The following ADCY9 variants were observed in gnomAD, a reference collection of about 807,000 sequenced individuals.
ADCY9 encodes the protein adenylate cyclase type 9.
Under a neutral mutation model 101.5 loss-of-function variants are expected in ADCY9, and 50 were observed. The ratio of observed to expected loss-of-function variants is 0.49; its 90% confidence interval spans 0.39 to 0.62. ADCY9 has a LOEUF of 0.62. ADCY9 is among the 20% of genes least tolerant of loss of function. The pLI, the probability that ADCY9 is intolerant of heterozygous loss-of-function variation, is 0.00. For missense variants in ADCY9, 1,662 were observed against 1,800.4 expected (o/e 0.92, Z 1.39); for synonymous variants, 905 against 769.3 (o/e 1.18, Z -2.92).
At position 4,044,353 on chromosome 16, in the gene ADCY9, A is replaced by G. The variant is rs571913442; in HGVS notation, c.1694-36795T>C. Among the ~76,000 whole-genome samples, 32 of 150,992 alleles carry G rather than the reference A, an allele frequency of 2.1e-4. 2 individuals are homozygous for G. The South Asian group carries it at 6.7e-3, about 31-fold the overall frequency. On this transcript the variant is annotated intron_variant, in intron 2 of 10. Transcript: ENST00000294016. Reference sequence around the variant, plus strand: ...CAGAGTGAGACTCCATCTCAAAAAAAACAAAAAAACAAAAAAACAAAAAAA... The same window carrying G: ...CAGAGTGAGACTCCATCTCAAAAAAGACAAAAAAACAAAAAAACAAAAAAA...
At chr16:3,984,598 C>T (rs1017565237) in intron 6 of ADCY9, among the ~76,000 whole-genome samples, 1 of 152,170 alleles carries the variant, frequency 6.6e-6, no homozygotes, top group Non-Finnish European at 1.5e-5. Context: ...GAACAAGGAG[C>T]CAGGCCAGGA....
intron 2 of ADCY9, among the ~76,000 whole-genome samples, chr16:4,057,402 C>T (rs1162712963): frequency 6.6e-6 from 1 of 152,094 alleles, no homozygotes; most frequent in Admixed American, 6.5e-5. Context: ...CAACCATCAC[C>T]ACCATCAACC....
chr16:4,067,729 G>A (rs185674165), intron 2 of ADCY9, among the ~76,000 whole-genome samples: 211 of 152,238 alleles, frequency 1.4e-3, no homozygotes, highest in African/African-American at 4.9e-3. Context: ...GGCATTTGCT[G>A]ACCAAAAGGA....
At chr16:4,020,922 T>G (rs569853568) in intron 2 of ADCY9, among the ~76,000 whole-genome samples, 1 of 152,116 alleles carries the variant, frequency 6.6e-6, no homozygotes, top group African/African-American at 2.4e-5. Flanking sequence ...CTGGAAACAT[T>G]TGAACGTTTT....
At chr16:3,997,922 TG>T (rs2056300155) in intron 3 of ADCY9, among the ~76,000 whole-genome samples, 1 of 152,102 alleles carries the variant, frequency 6.6e-6, no homozygotes, top group African/African-American at 2.4e-5. Context: ...GGCAAAACCC[TG>T]TCTCTATTAA....
chr16:4,010,353 C>A (rs931751203), intron 2 of ADCY9, among the ~76,000 whole-genome samples: 1 of 152,194 alleles, frequency 6.6e-6, no homozygotes, highest in Admixed American at 6.5e-5. Context: ...AGCTGGAGCA[C>A]GACGGGACAG....
chr16:4,074,324 A>C (rs2056853004), intron 2 of ADCY9, among the ~76,000 whole-genome samples: 1 of 151,976 alleles, frequency 6.6e-6, no homozygotes, highest in Non-Finnish European at 1.5e-5. Flanking sequence ...TACTTTGTAA[A>C]TTTCGGGCAA....
rs1162694496 is a variant in ADCY9 at position 3,966,035 on chromosome 16, C to T, written c.3802G>A (p.Gly1268Ser). ...TCTGTGGGAGACCGTCCGATGCTGC[C>T]ATCCACCTGGACGCGGATGTCTGGG... ...ISPDIRVQVD[G>S]SIGRSPTDEI... Residue 1268 changes from glycine (G) to serine (S), a missense_variant, in exon 11 of 11, where the codon GGC becomes AGC. Transcript: ENST00000294016. 3.1e-6 allele frequency: 5 copies of T among 1,614,116 alleles called. No homozygotes were observed. The Admixed American group carries it at 6.7e-5, about 22-fold the overall frequency.
rs141112965 is a variant in ADCY9, at chr16:4,068,106, T to C, written c.1693+45644A>G. ...TTTATAATTTAAGCAGTTTAGGAAA[T>C]AAAAAATGCATAGAACATGATATTC... On this transcript the variant is annotated intron_variant, in intron 2 of 10. Transcript: ENST00000294016. 5.6e-3 allele frequency among the ~76,000 whole-genome samples: 847 copies of C among 152,126 alleles called. 8 individuals are homozygous for C. Among genetic ancestry groups the C allele is most frequent in the African/African-American group, 0.019 (795 of 41,502 alleles).
At chr16:3,994,816 G>T (rs2056274555) in intron 3 of ADCY9, among the ~76,000 whole-genome samples, 1 of 152,164 alleles carries the variant, frequency 6.6e-6, no homozygotes, top group African/African-American at 2.4e-5. Flanking sequence ...ATTAAGTAAA[G>T]AAACTGGCCA....
At chr16:4,012,174 T>C (rs1455075842) in intron 2 of ADCY9, among the ~76,000 whole-genome samples, 1 of 152,224 alleles carries the variant, frequency 6.6e-6, no homozygotes, top group African/African-American at 2.4e-5. Flanking sequence ...CACACCTCCG[T>C]GTCCACAACG....
intron 2 of ADCY9, among the ~76,000 whole-genome samples, chr16:4,032,272 G>T (rs2056560812): frequency 6.6e-6 from 1 of 150,990 alleles, no homozygotes. Context: ...CTGGGCAACA[G>T]AGCAAGACTC....
intron 2 of ADCY9, among the ~76,000 whole-genome samples, chr16:4,104,400 T>A (rs982837650): frequency 2.6e-5 from 4 of 152,194 alleles, no homozygotes; most frequent in African/African-American, 9.6e-5. Flanking sequence ...CAAAAAAAGA[T>A]AATAAAATTT....
At chr16:3,998,515 C>G (rs951469289) in intron 3 of ADCY9, among the ~76,000 whole-genome samples, 1 of 151,576 alleles carries the variant, frequency 6.6e-6, no homozygotes, top group Non-Finnish European at 1.5e-5. Context: ...TTGAGACCAT[C>G]CTGGCCAAGA....
intron 2 of ADCY9, among the ~76,000 whole-genome samples, chr16:4,098,238 T>TG (rs1567147360): frequency 1.0e-3 from 158 of 151,802 alleles, no homozygotes; most frequent in African/African-American, 3.7e-3. Context: ...TGTTTTGTTT[T>TG]TGTTTTTGGT....
At chr16:4,078,377 T>C (rs139605599) in intron 2 of ADCY9, among the ~76,000 whole-genome samples, 43 of 151,932 alleles carry the variant, frequency 2.8e-4, no homozygotes, top group Admixed American at 1.2e-3. Flanking sequence ...GACTGGGCAA[T>C]ATAATGAGAC....
At chr16:4,046,195 A>G (rs574682834) in intron 2 of ADCY9, among the ~76,000 whole-genome samples, 8 of 152,110 alleles carry the variant, frequency 5.3e-5, no homozygotes, top group African/African-American at 1.4e-4. Context: ...CTGAGCCTTA[A>G]GTATCTGTCC....
In ADCY9 at chr16:4,113,843, C is replaced by T; in HGVS notation, c.1600G>A (p.Ala534Thr). 1 of 1,614,150 alleles carries T rather than the reference C, an allele frequency of 6.2e-7. No individual in the cohort carries two copies. Among genetic ancestry groups the T allele is most frequent in the Non-Finnish European group, 8.5e-7 (1 of 1,180,030 alleles). ...CGGTCATCTAAGTATTTTGCGGTGG[C>T]CTCAGAAATGTGAACTTTGCCGGCC... is the stretch of plus-strand genomic sequence containing the variant. The part of the protein sequence containing the change: ...GVAGKVHISE[A>T]TAKYLDDRYE... Residue 534 changes from alanine to threonine, a missense_variant, in exon 2 of 11, where the codon GCC becomes ACC. Around this residue, in one of 5 missense-constraint regions of ADCY9, gnomAD observed 624 missense variants for 639.1 expected, o/e 0.98. Transcript: ENST00000294016.
chr16:4,085,234 T>A lies in ADCY9; in HGVS notation c.1693+28516A>T, dbSNP rs572428149. 8.5e-5 allele frequency among the ~76,000 whole-genome samples: 13 copies of A among 152,134 alleles called. No homozygotes were observed. The South Asian group carries it at 1.5e-3, about 17-fold the overall frequency. ...AAAATTAGCGGGGCATGGTGGCGCA[T>A]ACCTATAATCCCAGCTACTTGGGAA... On this transcript the variant is annotated intron_variant, in intron 2 of 10. Coordinates refer to ENST00000294016, the MANE Select transcript of ADCY9 (RefSeq NM_001116.4).
Sources: allele counts gnomAD v4.1 joint callset (sites outside exome capture counted in the v4.1 genomes callset), GRCh38; gene constraint gnomAD v4.1.1; regional missense constraint gnomAD v4.1.1; transcripts MANE v1.5; gene names NCBI Gene and HGNC (gene_info 2026-07-23, HGNC 2026-07-21).